The following JAKMIP2 variants were observed in gnomAD, a reference collection of about 807,000 sequenced individuals.
The protein encoded by JAKMIP2 is janus kinase and microtubule-interacting protein 2.
In JAKMIP2, 25 loss-of-function variants were observed where a neutral mutation model predicts 115.0. The observed-to-expected ratio is 0.22, with a 90% confidence interval of 0.16 to 0.30. The LOEUF (loss-of-function observed/expected upper bound fraction) is 0.30. JAKMIP2 is among the 10% of genes least tolerant of loss of function. The pLI is 1.00. For synonymous variants in JAKMIP2, 334 were observed against 343.6 expected, an observed-to-expected ratio of 0.97 and a Z score of 0.31; for missense variants, 642 against 957.6, an observed-to-expected ratio of 0.67 and a Z score of 4.35.
intron 2 of JAKMIP2, among the ~76,000 whole-genome samples, chr5:147,666,901 TTATAA>T (rs1346598456): frequency 3.2e-4 from 48 of 152,236 alleles, no homozygotes; most frequent in African/African-American, 9.1e-4. Flanking sequence ...ATGGTGGATA[TTATAA>T]TATAATTTTA....
At chr5:147,658,767 G>A (rs147018992) in intron 3 of JAKMIP2, among the ~76,000 whole-genome samples, 124 of 152,146 alleles carry the variant, frequency 8.2e-4, no homozygotes, top group Middle Eastern at 6.8e-3. Context: ...GACCACAGCC[G>A]CTTTGCTGTG....
chr5:147,694,841 C>A (rs1476942072), intron 1 of JAKMIP2, among the ~76,000 whole-genome samples: 1 of 152,138 alleles, frequency 6.6e-6, no homozygotes, highest in Non-Finnish European at 1.5e-5. Context: ...TTTTGTCAGG[C>A]ATAGAAATTA....
chr5:147,618,770 AAAC>A (rs1266787194), intron 18 of JAKMIP2, among the ~76,000 whole-genome samples: 1 of 152,104 alleles, frequency 6.6e-6, no homozygotes, highest in Non-Finnish European at 1.5e-5. Flanking sequence ...AACAAACAAA[AAAC>A]AACAAGACAG....
intron 7 of JAKMIP2, among the ~76,000 whole-genome samples, chr5:147,642,662 CTT>C (rs200386795): frequency 1.4e-5 from 2 of 140,994 alleles, no homozygotes. Context: ...GGTGTTCGGG[CTT>C]TTTTTTTTTC....
chr5:147,594,030 C>G (rs139603917), intron 21 of JAKMIP2, among the ~76,000 whole-genome samples: 1 of 152,250 alleles, frequency 6.6e-6, no homozygotes, highest in South Asian at 2.1e-4. Flanking sequence ...CTATCACAAC[C>G]GAGGTAAAAC....
At chr5:147,631,615 T>C (rs1757353471) in intron 13 of JAKMIP2, 104 bp from the exon 14 acceptor site, 2 of 627,992 alleles carry the variant, frequency 3.2e-6, no homozygotes, top group Non-Finnish European at 5.1e-6. Flanking sequence ...ATTACTGTCA[T>C]TTGGCAAAAA....
chr5:147,654,688 T>C (rs188128775), intron 3 of JAKMIP2, among the ~76,000 whole-genome samples: 2 of 152,266 alleles, frequency 1.3e-5, no homozygotes, highest in African/African-American at 4.8e-5. Context: ...TCTCTTCCTA[T>C]CTGAATACGC....
At chr5:147,663,796 C>T (rs1451817671) in intron 2 of JAKMIP2, among the ~76,000 whole-genome samples, 3 of 152,108 alleles carry the variant, frequency 2.0e-5, no homozygotes, top group African/African-American at 7.2e-5. Flanking sequence ...AAATAAGCAG[C>T]CAGATATCCT....
At position 147,585,467 on chromosome 5, in the gene JAKMIP2, T is replaced by C. The variant is rs1754829071; in HGVS notation, c.*6240A>G. 6.6e-6 allele frequency: 1 copy of C among 152,234 alleles called. No individual in the cohort carries two copies. The highest frequency in any genetic ancestry group is 2.4e-5 in the African/African-American group (1 of 41,458). 9.4% of individuals were successfully genotyped at this position (152,234 alleles called of 1,614,324 possible). A position where few individuals can be genotyped will look rare whatever the true frequency, so the allele number is the denominator to read the frequency against. On this transcript the variant is annotated 3_prime_UTR_variant, in exon 22 of 22. Transcript: ENST00000616793. ...TAAAAAATGCAGCTTGTTTTATTTT[T>C]ATATAAACTAAAACACCAGAGTTCA... is the stretch of plus-strand genomic sequence containing the variant.
intron 13 of JAKMIP2, 151 bp from the exon 14 acceptor site, chr5:147,631,662 G>A (rs1390477160): frequency 2.7e-5 from 15 of 547,698 alleles, no homozygotes; most frequent in Non-Finnish European, 4.1e-5. Context: ...ATGATTAAAT[G>A]TGACGGAAAA....
At chr5:147,744,249 C>T (rs746044854) in intron 1 of JAKMIP2, among the ~76,000 whole-genome samples, 1 of 152,048 alleles carries the variant, frequency 6.6e-6, no homozygotes, top group South Asian at 2.1e-4. Flanking sequence ...CAAAAGAAAA[C>T]AAGTCTTCTC....
chr5:147,628,825 A>G lies in JAKMIP2; in HGVS notation c.1930-9T>C, dbSNP rs1757227813. The G allele has an allele frequency of 6.2e-7, 1 of 1,609,324 alleles. No individual in the cohort carries two copies. Among genetic ancestry groups the G allele is most frequent in the Non-Finnish European group, 8.5e-7 (1 of 1,176,190 alleles). ...TCTTCATTTCTTAAATTCTGTAAAA[A>G]ATAAGAAAGGCCGTCAGCTGAACAT... On this transcript the variant is annotated splice_polypyrimidine_tract_variant and intron_variant, in intron 15 of 21. Coordinates refer to ENST00000616793, the MANE Select transcript of JAKMIP2 (RefSeq NM_001270941.2).
chr5:147,623,611 T>G lies in JAKMIP2; in HGVS notation c.2064+10A>C, dbSNP rs773083635. 1.3e-6 allele frequency: 2 copies of G among 1,573,106 alleles called. No homozygotes were observed. Among genetic ancestry groups the G allele is most frequent in the African/African-American group, 2.7e-5 (2 of 74,212 alleles). On this transcript the variant is annotated intron_variant, in intron 17 of 21. Coordinates refer to ENST00000616793, the MANE Select transcript of JAKMIP2 (RefSeq NM_001270941.2). Reference sequence around the variant, plus strand: ...TTCTTAATTTTTACAATATCTCATCTTGTACTTACCATGTCACTTTCCAAT... The same window carrying G: ...TTCTTAATTTTTACAATATCTCATCGTGTACTTACCATGTCACTTTCCAAT...
At chr5:147,594,464 AG>A (rs771964139) in intron 21 of JAKMIP2, 1 of 454,986 alleles carries the variant, frequency 2.2e-6, no homozygotes, top group South Asian at 1.6e-5. Context: ...CCTCCCAAGT[AG>A]CTGGTACTAC....
In JAKMIP2 at chr5:147,617,934, C is replaced by G; in HGVS notation, c.2323G>C (p.Glu775Gln). ...YDCQILQERM[E>Q]LLQQAHQRIR... Reference sequence around the variant, plus strand: ...ACCTGATGGGCTTGCTGTAAGAGCTCCATTCTCTCCTGAAGAATCTGACAG... The same window carrying G: ...ACCTGATGGGCTTGCTGTAAGAGCTGCATTCTCTCCTGAAGAATCTGACAG... Residue 775 changes from glutamate to glutamine, a missense_variant, in exon 19 of 22, where the codon GAG (glutamate) becomes CAG (glutamine). Physicochemically the swap from Glu to Gln is conservative, Grantham distance 29. This residue lies in a region of JAKMIP2 where 26 missense variants were observed against 50.5 expected (regional missense o/e 0.51). Transcript: ENST00000616793. 1 of 1,614,150 alleles carries G rather than the reference C, an allele frequency of 6.2e-7. No individual in the cohort carries two copies. Among genetic ancestry groups the G allele is most frequent in the Non-Finnish European group, 8.5e-7 (1 of 1,180,018 alleles).
chr5:147,628,132 C>A (rs1757188698), intron 16 of JAKMIP2, among the ~76,000 whole-genome samples: 1 of 152,134 alleles, frequency 6.6e-6, no homozygotes, highest in Non-Finnish European at 1.5e-5. Flanking sequence ...AGTGAGCCTC[C>A]TCCCTCAGCC....
At chr5:147,602,785 T>C (rs1487872429) in intron 20 of JAKMIP2, among the ~76,000 whole-genome samples, 1 of 152,246 alleles carries the variant, frequency 6.6e-6, no homozygotes, top group East Asian at 1.9e-4. Context: ...GTTGGACACA[T>C]CTGTGAATAA....
intron 1 of JAKMIP2, among the ~76,000 whole-genome samples, chr5:147,746,747 T>A (rs1754359917): frequency 6.6e-6 from 1 of 152,170 alleles, no homozygotes; most frequent in African/African-American, 2.4e-5. Flanking sequence ...AAATGGTTAT[T>A]ACTCAGAAAT....
chr5:147,736,982 G>A (rs186294447), intron 1 of JAKMIP2, among the ~76,000 whole-genome samples: 4 of 152,184 alleles, frequency 2.6e-5, no homozygotes, highest in Admixed American at 2.6e-4. Context: ...TCTTACTGTA[G>A]GGCTGACTAT....
Sources: gnomAD v4.1 joint callset for allele counts (sites outside exome capture counted in the v4.1 genomes callset) on GRCh38, gnomAD v4.1.1 for gene constraint, gnomAD v4.1.1 regional missense constraint, MANE v1.5 for transcripts, NCBI Gene and HGNC (gene_info 2026-07-23, HGNC 2026-07-21) for gene names.